PPM1E: variants seen among roughly 807,000 people sequenced by gnomAD.
PPM1E encodes the protein protein phosphatase 1E.
A neutral mutation model predicts 65.9 loss-of-function variants in PPM1E; 20 were observed. The observed-to-expected ratio is 0.30, with a 90% confidence interval of 0.21 to 0.44. The LOEUF is 0.44. PPM1E is among the 20% of genes least tolerant of loss of function. The probability of loss-of-function intolerance (pLI) is 1.00; values close to 1 mark genes in which losing one functional copy is unlikely to be tolerated. For missense variants in PPM1E, 713 were observed against 953.1 expected (o/e 0.75, Z 3.32); for synonymous variants, 352 against 374.9 (o/e 0.94, Z 0.70).
At position 58,981,050 on chromosome 17, in the gene PPM1E, T is replaced by G. The variant is rs193174507; in HGVS notation, c.*19T>G. ...AGAATAATTTTTCTTTCAAGTAGGTTAGCTAGCTCTCCCCCAATAAAAATA... is the reference window on the plus strand; with the variant it reads ...AGAATAATTTTTCTTTCAAGTAGGTGAGCTAGCTCTCCCCCAATAAAAATA... On this transcript the variant is annotated 3_prime_UTR_variant, in exon 7 of 7. Coordinates refer to ENST00000308249, the MANE Select transcript of PPM1E (RefSeq NM_014906.5). The G allele has an allele frequency of 5.3e-6, 8 of 1,513,882 alleles. No individual in the cohort carries two copies. In the East Asian group the frequency reaches 1.8e-4, roughly 34 times the overall value. The allele number at this position is 1,513,882 out of a possible 1,614,324, so 93.8% of individuals were successfully genotyped here. A position where few individuals can be genotyped will look rare whatever the true frequency, so the allele number is the denominator to read the frequency against.
At chr17:58,893,814 A>G (rs549511291) in intron 1 of PPM1E, among the ~76,000 whole-genome samples, 41 of 152,242 alleles carry the variant, frequency 2.7e-4, no homozygotes, top group Admixed American at 8.5e-4. Flanking sequence ...GCTCATGCCT[A>G]TAATCCCAGC....
intron 1 of PPM1E, among the ~76,000 whole-genome samples, chr17:58,816,523 T>C (rs2050416096): frequency 6.6e-6 from 1 of 151,304 alleles, no homozygotes; most frequent in African/African-American, 2.4e-5. Flanking sequence ...TCAGACTTCA[T>C]ACCCATTAAA....
chr17:58,823,976 T>C (rs1360306447), intron 1 of PPM1E, among the ~76,000 whole-genome samples: 1 of 152,090 alleles, frequency 6.6e-6, no homozygotes, highest in Non-Finnish European at 1.5e-5. Context: ...GTGATCTGCC[T>C]GCCTCAGCCT....
At chr17:58,760,375 C>A (rs1450177637) in intron 1 of PPM1E, among the ~76,000 whole-genome samples, 1 of 152,182 alleles carries the variant, frequency 6.6e-6, no homozygotes, top group Non-Finnish European at 1.5e-5. Flanking sequence ...CCAAAACAAA[C>A]AAAACCAAAA....
At chr17:58,976,292 G>A (rs2030990196) in intron 6 of PPM1E, among the ~76,000 whole-genome samples, 1 of 152,144 alleles carries the variant, frequency 6.6e-6, no homozygotes, top group South Asian at 2.1e-4. Context: ...ATTAAACAGT[G>A]CATGTGTGGC....
intron 1 of PPM1E, among the ~76,000 whole-genome samples, chr17:58,763,439 A>C (rs1311971286): frequency 6.6e-6 from 1 of 152,104 alleles, no homozygotes; most frequent in Admixed American, 6.6e-5. Flanking sequence ...TACATTTCCT[A>C]AAAAAGGGGG....
chr17:58,775,409 C>T (rs564482917), intron 1 of PPM1E, among the ~76,000 whole-genome samples: 90 of 152,112 alleles, frequency 5.9e-4, no homozygotes, highest in Middle Eastern at 3.4e-3. Context: ...CATTCTCAAC[C>T]GCTCTATAAT....
intron 1 of PPM1E, among the ~76,000 whole-genome samples, chr17:58,800,147 AT>A (rs894678627): frequency 1.3e-5 from 2 of 149,596 alleles, no homozygotes; most frequent in South Asian, 2.1e-4. Context: ...ACTTTGTCAA[AT>A]TTTTTTTTTC....
intron 2 of PPM1E, among the ~76,000 whole-genome samples, chr17:58,956,374 T>C (rs1013607450): frequency 2.0e-5 from 3 of 150,812 alleles, no homozygotes; most frequent in African/African-American, 7.3e-5. Context: ...AGGTGGAGGT[T>C]ACAGTGAGCC....
chr17:58,967,504 GTATA>G (rs892635358), intron 3 of PPM1E, among the ~76,000 whole-genome samples: 144 of 148,562 alleles, frequency 9.7e-4, no homozygotes, highest in African/African-American at 3.4e-3. Context: ...ATATATATGT[GTATA>G]TATATATATA....
Position 58,876,870 on chromosome 17 carries a change from G to A in PPM1E, c.465-78779G>A, listed in dbSNP as rs535223192. 9.3e-4 allele frequency among the ~76,000 whole-genome samples: 141 copies of A among 152,072 alleles called. 1 individual carries two copies. Among genetic ancestry groups the A allele is most frequent in the African/African-American group, 3.4e-3 (140 of 41,472 alleles). On this transcript the variant is annotated intron_variant, in intron 1 of 6. Transcript: ENST00000308249. ...GCGATCTCGGCTCACTGCAAGCTCCGCCTCCCGGTTTGGGGCCATTCTCCT... is the reference window on the plus strand; with the variant it reads ...GCGATCTCGGCTCACTGCAAGCTCCACCTCCCGGTTTGGGGCCATTCTCCT...
intron 1 of PPM1E, among the ~76,000 whole-genome samples, chr17:58,916,179 A>T (rs1165245102): frequency 1.3e-5 from 2 of 152,232 alleles, no homozygotes; most frequent in Non-Finnish European, 2.9e-5. Flanking sequence ...TTGGAAAAAA[A>T]TAATTTCAAG....
In PPM1E at chr17:58,965,379, G is replaced by A. The variant is rs566419539; in HGVS notation, c.584-315G>A. Reference sequence around the variant, plus strand: ...ACAACCAAAAAGAAACCGGTGCTGGGAACTAGGGAGCAGTGTGGTGAGAGC... The same window carrying A: ...ACAACCAAAAAGAAACCGGTGCTGGAAACTAGGGAGCAGTGTGGTGAGAGC... On this transcript the variant is annotated intron_variant, in intron 2 of 6. Coordinates refer to ENST00000308249, the MANE Select transcript of PPM1E (RefSeq NM_014906.5). Among the ~76,000 whole-genome samples the A allele has an allele frequency of 3.8e-3, 581 of 152,212 alleles. 3 individuals are homozygous for A. The highest frequency in any genetic ancestry group is 0.013 in the African/African-American group (546 of 41,538).
At chr17:58,771,422 G>A (rs1312990245) in intron 1 of PPM1E, among the ~76,000 whole-genome samples, 1 of 151,056 alleles carries the variant, frequency 6.6e-6, no homozygotes, top group Non-Finnish European at 1.5e-5. Flanking sequence ...TCAAGAGATC[G>A]AGACCAGCCT....
At chr17:58,923,856 G>A (rs2051787397) in intron 1 of PPM1E, among the ~76,000 whole-genome samples, 1 of 150,744 alleles carries the variant, frequency 6.6e-6, no homozygotes, top group African/African-American at 2.4e-5. Flanking sequence ...CGAGGTTGCA[G>A]TGAGCTATGC....
chr17:58,940,945 A>G (rs1461273395), intron 1 of PPM1E, among the ~76,000 whole-genome samples: 1 of 152,218 alleles, frequency 6.6e-6, no homozygotes, highest in Non-Finnish European at 1.5e-5. Flanking sequence ...TCCTGACCTC[A>G]GGTGATCCAC....
At chr17:58,847,501 T>A (rs1048655607) in intron 1 of PPM1E, among the ~76,000 whole-genome samples, 27 of 152,212 alleles carry the variant, frequency 1.8e-4, no homozygotes, top group African/African-American at 6.5e-4. Context: ...CTAGCCAGTT[T>A]TCCCAGCACC....
At chr17:58,840,931 A>G (rs1158050746) in intron 1 of PPM1E, among the ~76,000 whole-genome samples, 2 of 152,190 alleles carry the variant, frequency 1.3e-5, no homozygotes, top group Non-Finnish European at 2.9e-5. Context: ...CAGCAGAGAA[A>G]AAGCTGTCTG....
intron 1 of PPM1E, among the ~76,000 whole-genome samples, chr17:58,787,063 G>A (rs569934719): frequency 1.2e-4 from 19 of 152,112 alleles, no homozygotes; most frequent in African/African-American, 3.6e-4. Context: ...CAGCTGATGC[G>A]GACCTCTGGC....
Sources: allele counts gnomAD v4.1 joint callset (sites outside exome capture counted in the v4.1 genomes callset), GRCh38; gene constraint gnomAD v4.1.1; transcripts MANE v1.5; gene names NCBI Gene and HGNC (gene_info 2026-07-23, HGNC 2026-07-21).